PCDH7: variants seen among roughly 807,000 people sequenced by gnomAD.
The protein encoded by PCDH7 is protocadherin 7.
In PCDH7, 17 loss-of-function variants were observed where a neutral mutation model predicts 58.9. That is an observed-to-expected ratio of 0.29 (90% CI 0.20 to 0.43). The LOEUF is 0.43. Ranked by LOEUF, PCDH7 falls within the 20% of genes least tolerant of loss-of-function variation. The pLI is 1.00. For synonymous variants in PCDH7, 664 were observed against 616.4 expected, an observed-to-expected ratio of 1.08 and a Z score of -1.14; for missense variants, 1,274 against 1,441.0, an observed-to-expected ratio of 0.88 and a Z score of 1.88.
At position 30,967,556 on chromosome 4, in the gene PCDH7, A is replaced by G. The variant is rs116737269; in HGVS notation, c.*7+17341A>G. ...TTGTATAAACTGAAGTGCGCTCTCA[A>G]CAGTAGAAATCACTGGATCTTATTA... On this transcript the variant is annotated intron_variant, in intron 3 of 3. Transcript: ENST00000509759. Among the ~76,000 whole-genome samples the G allele has an allele frequency of 9.2e-4, 140 of 152,264 alleles. 1 individual carries two copies. The highest frequency in any genetic ancestry group is 3.2e-3 in the African/African-American group (135 of 41,574).
intron 3 of PCDH7, among the ~76,000 whole-genome samples, chr4:31,044,098 A>G (rs1466234044): frequency 6.6e-6 from 1 of 152,142 alleles, no homozygotes; most frequent in Non-Finnish European, 1.5e-5. Context: ...ATTTAAATAC[A>G]TAAATAGGTC....
chr4:31,066,486 G>A (rs762508415), intron 3 of PCDH7, among the ~76,000 whole-genome samples: 1 of 151,804 alleles, frequency 6.6e-6, no homozygotes, highest in East Asian at 1.9e-4. Flanking sequence ...AACAAAATGA[G>A]AATTCAGATG....
At position 30,859,736 on chromosome 4, in the gene PCDH7, GGCCA is replaced by G. The variant is rs1733961841; in HGVS notation, c.71-60414_71-60411del. 2.6e-5 allele frequency among the ~76,000 whole-genome samples: 4 copies of G among 152,012 alleles called. No homozygotes were observed. In the South Asian group the frequency reaches 8.3e-4, roughly 32 times the overall value. ...ATTACAGACGTGAGCCACCATGCCG[GGCCA>G]GCTCTGATTCTTTAGAAGGCAAAAT... is the stretch of plus-strand genomic sequence containing the variant. On this transcript the variant is annotated intron_variant, in intron 1 of 3. Transcript: ENST00000509759.
At chr4:30,857,527 C>T (rs1021371797) in intron 1 of PCDH7, among the ~76,000 whole-genome samples, 5 of 152,092 alleles carry the variant, frequency 3.3e-5, no homozygotes, top group Admixed American at 2.6e-4. Context: ...GTAAGTAAAG[C>T]TCGTCTGGGT....
In PCDH7 at chr4:30,835,237, C is replaced by T. The variant is rs78736760; in HGVS notation, c.71-84916C>T. Among the ~76,000 whole-genome samples the T allele has an allele frequency of 7.1e-3, 1,085 of 152,168 alleles. 23 individuals are homozygous for T. Among genetic ancestry groups the T allele is most frequent in the African/African-American group, 0.025 (1,036 of 41,520 alleles). On this transcript the variant is annotated intron_variant, in intron 1 of 3. Transcript: ENST00000509759. ...GGATCCCAACCCCCGGGCCACGAAC[C>T]GGTCCAGGTTCATGGCCTGTTAGTA...
intron 3 of PCDH7, among the ~76,000 whole-genome samples, chr4:30,961,128 C>A (rs1748377272): frequency 6.6e-6 from 1 of 152,072 alleles, no homozygotes; most frequent in Admixed American, 6.5e-5. Flanking sequence ...CTTATTATTT[C>A]TTTTATGGGA....
At chr4:31,024,117 G>A (rs1385491227) in intron 3 of PCDH7, among the ~76,000 whole-genome samples, 1 of 152,154 alleles carries the variant, frequency 6.6e-6, no homozygotes, top group African/African-American at 2.4e-5. Context: ...AGAGTTCTGT[G>A]TTTGAGGAAA....
chr4:31,064,642 C>G (rs996014008), intron 3 of PCDH7, among the ~76,000 whole-genome samples: 1 of 151,910 alleles, frequency 6.6e-6, no homozygotes, highest in African/African-American at 2.4e-5. Context: ...GCTCCAATCT[C>G]TGTTTCTGTC....
intron 1 of PCDH7, among the ~76,000 whole-genome samples, chr4:30,818,911 T>G (rs1728019975): frequency 6.6e-6 from 1 of 152,176 alleles, no homozygotes; most frequent in Non-Finnish European, 1.5e-5. Context: ...TCCCTACACT[T>G]ATAGTTCTAA....
chr4:31,098,650 A>T (rs1714490842), intron 3 of PCDH7, among the ~76,000 whole-genome samples: 1 of 152,152 alleles, frequency 6.6e-6, no homozygotes, highest in Non-Finnish European at 1.5e-5. Context: ...ATAAACACAC[A>T]ATATAAATGG....
At chr4:30,935,326 C>T (rs1745213144) in intron 2 of PCDH7, 1 of 981,968 alleles carries the variant, frequency 1.0e-6, no homozygotes, top group Admixed American at 6.2e-5. Context: ...GTTTACTGGC[C>T]TCATATTTAG....
intron 1 of PCDH7, among the ~76,000 whole-genome samples, chr4:30,832,808 G>A (rs1159390745): frequency 6.6e-6 from 1 of 152,158 alleles, no homozygotes; most frequent in Non-Finnish European, 1.5e-5. Flanking sequence ...CCTGTCTAGT[G>A]AGTAAGATGG....
chr4:30,773,102 T>A (rs1000822534), intron 1 of PCDH7, among the ~76,000 whole-genome samples: 1 of 152,160 alleles, frequency 6.6e-6, no homozygotes, highest in Non-Finnish European at 1.5e-5. Flanking sequence ...GGGATTTTAC[T>A]ATCTTGGCCA....
At chr4:30,878,861 GA>G (rs1217478802) in intron 1 of PCDH7, among the ~76,000 whole-genome samples, 5 of 151,088 alleles carry the variant, frequency 3.3e-5, no homozygotes, top group African/African-American at 9.7e-5. Context: ...AAAACAAAGA[GA>G]AAAAAAACAG....
chr4:31,108,983 C>G (rs533973137), intron 3 of PCDH7, among the ~76,000 whole-genome samples: 1 of 152,264 alleles, frequency 6.6e-6, no homozygotes, highest in African/African-American at 2.4e-5. Context: ...TGTTGGGTTG[C>G]TTTGCTAATG....
At chr4:30,766,735 A>T (rs1436158754) in intron 1 of PCDH7, among the ~76,000 whole-genome samples, 1 of 152,018 alleles carries the variant, frequency 6.6e-6, no homozygotes, top group African/African-American at 2.4e-5. Flanking sequence ...AGAACAAAGT[A>T]TTTTCTATAC....
intron 3 of PCDH7, among the ~76,000 whole-genome samples, chr4:31,106,023 A>AATATAT (rs1553852445): frequency 1.3e-5 from 2 of 148,710 alleles, no homozygotes. Flanking sequence ...AGAAAAAAAA[A>AATATAT]ATATATATAT....
chr4:31,136,692 T>C (rs895952407), intron 3 of PCDH7, among the ~76,000 whole-genome samples: 2 of 152,134 alleles, frequency 1.3e-5, no homozygotes, highest in Non-Finnish European at 2.9e-5. Flanking sequence ...CTGGTCTGAG[T>C]CAGTGATTCC....
chr4:30,766,113 G>A (rs372850800), intron 1 of PCDH7, among the ~76,000 whole-genome samples: 3 of 146,872 alleles, frequency 2.0e-5, no homozygotes, highest in African/African-American at 2.5e-5. Context: ...TAAATGTAGG[G>A]AAAAAAAAAA....
Sources: allele counts gnomAD v4.1 joint callset (sites outside exome capture counted in the v4.1 genomes callset), GRCh38; gene constraint gnomAD v4.1.1; transcripts MANE v1.5; gene names NCBI Gene and HGNC (gene_info 2026-07-23, HGNC 2026-07-21).